The following ATM variants were observed in gnomAD, a reference collection of about 807,000 sequenced individuals.
ATM encodes ATM serine/threonine kinase, also known as serine-protein kinase ATM.
In ATM, 308 loss-of-function variants were observed where a neutral mutation model predicts 387.0. The observed-to-expected ratio is 0.80, with a 90% CI of 0.73 to 0.87. The LOEUF is 0.87. ATM is among the 40% of genes least tolerant of loss of function. The pLI is 0.00. For missense variants in ATM, 3,312 were observed against 3,560.9 expected, an observed-to-expected ratio of 0.93 and a Z score of 1.78; for synonymous variants, 1,156 against 1,187.3, an observed-to-expected ratio of 0.97 and a Z score of 0.54.
chr11:108,246,194 A>T (rs2079841414), intron 7 of ATM, among the ~76,000 whole-genome samples: 1 of 152,130 alleles, frequency 6.6e-6, no homozygotes, highest in African/African-American at 2.4e-5. Flanking sequence ...ATATCTAGAT[A>T]ATATGTAGCC....
At position 108,325,851 on chromosome 11, in the gene ATM, C is replaced by A. The variant is rs551224464; in HGVS notation, c.6808-207C>A. 2.0e-5 allele frequency among the ~76,000 whole-genome samples: 3 copies of A among 152,184 alleles called. No individual in the cohort carries two copies. In the East Asian group the frequency reaches 5.8e-4, roughly 29 times the overall value. On this transcript the variant is annotated intron_variant, in intron 46 of 62. Transcript: ENST00000675843. ...GTGTATGTACACACAGATACACATA[C>A]ATACATATAGAGAGAGACAGACAGA...
intron 22 of ATM, among the ~76,000 whole-genome samples, chr11:108,273,087 A>C (rs1463212187): frequency 6.6e-6 from 1 of 152,224 alleles, no homozygotes; most frequent in East Asian, 1.9e-4. Flanking sequence ...TAACTTGCTT[A>C]TGCCACAGAG....
intron 36 of ATM, 113 bp from the exon 37 acceptor site, chr11:108,304,558 AATCT>A: frequency 9.5e-7 from 1 of 1,051,188 alleles, no homozygotes; most frequent in South Asian, 1.5e-5. Flanking sequence ...ATGGCAGATT[AATCT>A]ATCATCTTTT....
rs151162256 is a variant in ATM at position 108,356,407 on chromosome 11, G to GCAC, written c.8850+1535_8850+1537dup. Among the ~76,000 whole-genome samples the GCAC allele has an allele frequency of 2.3e-3, 345 of 152,066 alleles. 2 individuals carry two copies. The highest frequency in any genetic ancestry group is 7.8e-3 in the African/African-American group (323 of 41,458). The stretch of plus-strand genomic sequence containing the variant: ...AAAAATTAGCTGGGCGTGATGGCGG[G>GCAC]CACCTGTAATCCCAGCTACTCAGGA... On this transcript the variant is annotated intron_variant, in intron 61 of 62. Coordinates refer to ENST00000675843, the MANE Select transcript of ATM (RefSeq NM_000051.4).
At chr11:108,293,947 G>A (rs2135822756) in intron 31 of ATM, among the ~76,000 whole-genome samples, 1 of 147,228 alleles carries the variant, frequency 6.8e-6, no homozygotes, top group South Asian at 2.1e-4. Flanking sequence ...ACATACTTGT[G>A]TGTGTGTAAC....
At chr11:108,292,514 A>G (rs1029305808) in intron 29 of ATM, 105 bp from the exon 30 acceptor site, 9 of 1,336,416 alleles carry the variant, frequency 6.7e-6, no homozygotes, top group African/African-American at 1.5e-5. Flanking sequence ...GTCAAGGCAT[A>G]TAAGAATTAG....
intron 36 of ATM, among the ~76,000 whole-genome samples, chr11:108,304,407 T>C (rs956537028): frequency 6.6e-6 from 1 of 152,232 alleles, no homozygotes; most frequent in Non-Finnish European, 1.5e-5. Flanking sequence ...TGTTTCATTA[T>C]GGTAATGGCC....
chr11:108,264,154 C>G (rs1043732564), intron 16 of ATM, among the ~76,000 whole-genome samples: 5 of 151,814 alleles, frequency 3.3e-5, no homozygotes, highest in African/African-American at 9.7e-5. Flanking sequence ...ATACTGATAC[C>G]AAAGCCAGGC....
chr11:108,367,177 C>T lies in ATM; in HGVS notation c.*1669C>T, dbSNP rs934475897. On this transcript the variant is annotated 3_prime_UTR_variant, in exon 63 of 63. Coordinates refer to ENST00000675843, the MANE Select transcript of ATM (RefSeq NM_000051.4). ...TAATTTTTTGTATTTTTATTAGAGACGGAGTTTCACCGTGTTAGCCAGGAT... is the reference window on the plus strand; with the variant it reads ...TAATTTTTTGTATTTTTATTAGAGATGGAGTTTCACCGTGTTAGCCAGGAT... The T allele has an allele frequency of 4.5e-5, 8 of 177,406 alleles. No homozygotes were observed. Among genetic ancestry groups the T allele is most frequent in the Admixed American group, 1.9e-4 (3 of 15,814 alleles). The allele number at this position is 177,406 out of a possible 1,614,324, so 11.0% of individuals were successfully genotyped here. A position where few individuals can be genotyped will look rare whatever the true frequency, so the allele number is the denominator to read the frequency against.
intron 61 of ATM, among the ~76,000 whole-genome samples, chr11:108,364,316 A>AT (rs944548834): frequency 1.8e-4 from 27 of 152,156 alleles, no homozygotes; most frequent in Non-Finnish European, 3.4e-4. Flanking sequence ...GCTAAAGCCT[A>AT]TTTTTTTTAA....
chr11:108,250,676 A>G (rs1304204613), intron 9 of ATM, 25 bp from the exon 10 acceptor site: 3 of 1,557,814 alleles, frequency 1.9e-6, no homozygotes, highest in East Asian at 2.3e-5. Flanking sequence ...ATAGTTTTCA[A>G]ATTATCCTTT....
Position 108,312,419 on chromosome 11 carries a change from C to G in ATM, c.5927C>G (p.Ala1976Gly), listed in dbSNP as rs1197973623. ...GTTCTTGTGACAAACAGAAGTCTTG[C>G]ATTTGAAGAAGGAAGCCAGAGTACA... ...SMDDQEKRSL[A>G]FEEGSQSTTI... Residue 1976 changes from alanine to glycine, a missense_variant, in exon 40 of 63, where the codon GCA (alanine) becomes GGA (glycine). Around this residue, in one of 4 missense-constraint regions of ATM, gnomAD observed 1,405 missense variants for 1,604.4 expected, o/e 0.88. Transcript: ENST00000675843. 1 of 1,590,942 alleles carries G rather than the reference C, an allele frequency of 6.3e-7. No homozygotes were observed. Among genetic ancestry groups the G allele is most frequent in the Non-Finnish European group, 8.6e-7 (1 of 1,159,282 alleles).
chr11:108,225,937 G>T (rs4987890), intron 1 of ATM: 33 of 152,010 alleles, frequency 2.2e-4, no homozygotes, highest in African/African-American at 8.0e-4. Context: ...AATCTTGAAA[G>T]ATTAAGTAGA....
At chr11:108,233,834 G>A (rs905340355) in intron 4 of ATM, among the ~76,000 whole-genome samples, 64 of 151,514 alleles carry the variant, frequency 4.2e-4, no homozygotes, top group African/African-American at 1.5e-3. Flanking sequence ...GTGACAGAGC[G>A]AGATATTCTG....
At chr11:108,335,215 C>T in intron 55 of ATM, 106 bp downstream of exon 55, 1 of 1,579,378 alleles carries the variant, frequency 6.3e-7, no homozygotes, top group Non-Finnish European at 8.6e-7. Context: ...ATTTTGAATA[C>T]TTACAAATGA....
rs1064793957 is a variant in ATM, at chr11:108,301,682, A to T, written c.5212A>T (p.Lys1738Ter). Reference sequence around the variant, plus strand: ...TCGATCAGCAGCTGTTACCTGTTTGAAAAACATTTTAGCCACAAAGACTGG... The same window carrying T: ...TCGATCAGCAGCTGTTACCTGTTTGTAAAACATTTTAGCCACAAAGACTGG... Reference protein sequence around the residue: ...KVRSAAVTCLKNILATKTGHS... With the variant: ...KVRSAAVTCL Residue 1738 changes from lysine to a stop codon, truncating the protein, a stop_gained, in exon 35 of 63, where the codon AAA (lysine) becomes TAA (stop). Transcript: ENST00000675843. LOFTEE classifies it high-confidence loss of function. The T allele has an allele frequency of 6.2e-7, 1 of 1,613,730 alleles. No homozygotes were observed. The highest frequency in any genetic ancestry group is 1.3e-5 in the African/African-American group (1 of 75,024).
chr11:108,227,578 A>G lies in ATM; in HGVS notation c.-30-17A>G, dbSNP rs549786728. Reference sequence around the variant, plus strand: ...TATACATATACATATATATACCTATATGTATTTTTTTTACAGACAGTGATG... The same window carrying G: ...TATACATATACATATATATACCTATGTGTATTTTTTTTACAGACAGTGATG... On this transcript the variant is annotated splice_polypyrimidine_tract_variant and intron_variant, in intron 1 of 62. Transcript: ENST00000675843. 6.8e-6 allele frequency: 10 copies of G among 1,460,732 alleles called. No homozygotes were observed. In the African/African-American group the frequency reaches 1.3e-4, roughly 18 times the overall value. 90.5% of individuals were successfully genotyped at this position (1,460,732 alleles called of 1,614,324 possible).
chr11:108,352,455 A>G (rs2089320225), intron 59 of ATM, among the ~76,000 whole-genome samples: 1 of 152,234 alleles, frequency 6.6e-6, no homozygotes, highest in African/African-American at 2.4e-5. Flanking sequence ...AGCCGTAGAA[A>G]TTACCCAAGC....
chr11:108,291,744 G>T (rs2082807505), intron 29 of ATM, among the ~76,000 whole-genome samples: 1 of 152,182 alleles, frequency 6.6e-6, no homozygotes, highest in African/African-American at 2.4e-5. Context: ...ACTTTTCCTA[G>T]TGTTTGCAGA....
Sources: gnomAD v4.1 joint callset for allele counts (sites outside exome capture counted in the v4.1 genomes callset) on GRCh38, gnomAD v4.1.1 for gene constraint, gnomAD v4.1.1 regional missense constraint, MANE v1.5 for transcripts, NCBI Gene and HGNC (gene_info 2026-07-23, HGNC 2026-07-21) for gene names.